Variants in RECQL5 observed in about 807,000 individuals in gnomAD.
The protein encoded by RECQL5 is RecQ like helicase 5, also known as ATP-dependent DNA helicase Q5.
A neutral mutation model predicts 103.4 loss-of-function variants in RECQL5; 88 were observed. The ratio of observed to expected loss-of-function variants is 0.85; its 90% confidence interval spans 0.72 to 1.02. The LOEUF is 1.02. RECQL5 is among the 50% of genes least tolerant of loss of function. RECQL5 has a pLI of 0.00. For missense variants in RECQL5, 1,232 were observed against 1,284.3 expected, an observed-to-expected ratio of 0.96 and a Z score of 0.62; for synonymous variants, 552 against 507.9, an observed-to-expected ratio of 1.09 and a Z score of -1.17.
Position 75,629,152 on chromosome 17 carries a change from G to A in RECQL5, c.2271C>T (p.Ala757=). ...SKKQQLLATA[A]HKDSQSIARF... is the part of the protein sequence containing the mutation. ...GGGCGATGCTCTGAGAATCCTTGTG[G>A]GCCGCTGTGGCTAGGAGCTGCTGTT... The change falls in exon 16 of 20, where the codon GCC becomes GCT. Residue 757 remains alanine (A), a synonymous_variant. Transcript: ENST00000317905. 4 of 1,613,820 alleles carry A rather than the reference G, an allele frequency of 2.5e-6. No individual in the cohort carries two copies. The highest frequency in any genetic ancestry group is 3.4e-6 in the Non-Finnish European group (4 of 1,179,980).
intron 7 of RECQL5, 82 bp from the exon 8 acceptor site, chr17:75,651,347 T>G (rs2059553230): frequency 2.0e-6 from 3 of 1,520,060 alleles, no homozygotes; most frequent in Non-Finnish European, 2.7e-6. Flanking sequence ...GGAGGCCGAG[T>G]GCGGTGGCTC....
At chr17:75,628,163 C>T in intron 18 of RECQL5, 55 bp downstream of exon 18, 1 of 1,478,752 alleles carries the variant, frequency 6.8e-7, no homozygotes, top group South Asian at 1.1e-5. Context: ...CCCACCCCCA[C>T]TACACCCACA....
chr17:75,630,256 G>C lies in RECQL5; in HGVS notation c.1740C>G (p.Ala580=), dbSNP rs748275928. 6.4e-7 allele frequency: 1 copy of C among 1,561,242 alleles called. No individual in the cohort carries two copies. Among genetic ancestry groups the C allele is most frequent in the Non-Finnish European group, 8.7e-7 (1 of 1,151,728 alleles). ...GGAATGTCTCATGTTCCAGCTCCAC[G>C]GCCTTGGCCCGGAGGTCAGCTCTGT... The part of the protein sequence containing the change: ...TADEADLRAK[A]VELEHETFRN... Residue 580 remains alanine, a synonymous_variant, in exon 14 of 20, where the codon GCC becomes GCG. Transcript: ENST00000317905.
chr17:75,660,452 G>A (rs907572877), intron 6 of RECQL5, among the ~76,000 whole-genome samples: 1 of 152,198 alleles, frequency 6.6e-6, no homozygotes, highest in Admixed American at 6.5e-5. Flanking sequence ...CATAAATCTA[G>A]ATGGTACTGC....
chr17:75,653,194 A>G (rs1330951035), intron 7 of RECQL5, among the ~76,000 whole-genome samples: 1 of 152,238 alleles, frequency 6.6e-6, no homozygotes, highest in African/African-American at 2.4e-5. Flanking sequence ...CAGCTGAGCA[A>G]CAACAGCTCC....
chr17:75,640,899 G>C lies in RECQL5; in HGVS notation c.1230-9231C>G, dbSNP rs1170483968. The stretch of plus-strand genomic sequence containing the variant: ...CAGGTGCAGCCGACACCACCATGAC[G>C]GACGGGCGATGGCTGAGGAGAAGCT... On this transcript the variant is annotated intron_variant, in intron 8 of 19. Coordinates refer to ENST00000317905, the MANE Select transcript of RECQL5 (RefSeq NM_004259.7). The surrounding 1 kb of genome is among the most constrained non-coding windows in gnomAD (Gnocchi z 4.6). The C allele has an allele frequency of 1.9e-6, 3 of 1,543,228 alleles. No homozygotes were observed. Among genetic ancestry groups the C allele is most frequent in the Non-Finnish European group, 2.6e-6 (3 of 1,146,688 alleles).
At position 75,627,194 on chromosome 17, in the gene RECQL5, C is replaced by T; in HGVS notation, c.*228G>A. ...CGACATGTGTCCCAGAAAACCCAGC[C>T]ATGAGGACCGCTCTGAGAAGGGTCT... is the stretch of plus-strand genomic sequence containing the variant. On this transcript the variant is annotated 3_prime_UTR_variant, in exon 20 of 20. Coordinates refer to ENST00000317905, the MANE Select transcript of RECQL5 (RefSeq NM_004259.7). 1 of 647,324 alleles carries T rather than the reference C, an allele frequency of 1.5e-6. No individual in the cohort carries two copies. The highest frequency in any genetic ancestry group is 2.9e-6 in the Non-Finnish European group (1 of 350,090). 40.1% of individuals were successfully genotyped at this position (647,324 alleles called of 1,614,324 possible).
intron 6 of RECQL5, among the ~76,000 whole-genome samples, chr17:75,659,021 A>G (rs766648411): frequency 3.9e-5 from 6 of 152,074 alleles, no homozygotes; most frequent in African/African-American, 1.4e-4. Flanking sequence ...TCTTAACAAG[A>G]TACCACAGAC....
chr17:75,657,540 G>C (rs912348260), intron 7 of RECQL5, among the ~76,000 whole-genome samples: 1 of 152,012 alleles, frequency 6.6e-6, no homozygotes, highest in African/African-American at 2.4e-5. Flanking sequence ...CTTGAGCCCA[G>C]GAGTCATGAG....
chr17:75,659,593 A>C (rs1051348236), intron 6 of RECQL5, among the ~76,000 whole-genome samples: 7 of 152,254 alleles, frequency 4.6e-5, no homozygotes, highest in Non-Finnish European at 8.8e-5. Flanking sequence ...GGCTCAAGCA[A>C]TCCTCCCATC....
Position 75,627,327 on chromosome 17 carries a change from G to T in RECQL5, c.*95C>A. ...TATGGTTGGAAAGGAGAAGGACTGAGAAAAGACGATGGCCCTGGCATCAGC... is the reference window on the plus strand; with the variant it reads ...TATGGTTGGAAAGGAGAAGGACTGATAAAAGACGATGGCCCTGGCATCAGC... On this transcript the variant is annotated 3_prime_UTR_variant, in exon 20 of 20. Coordinates refer to ENST00000317905, the MANE Select transcript of RECQL5 (RefSeq NM_004259.7). 1.0e-6 allele frequency: 1 copy of T among 959,840 alleles called. No individual in the cohort carries two copies. Among genetic ancestry groups the T allele is most frequent in the Non-Finnish European group, 1.7e-6 (1 of 602,782 alleles). 59.5% of individuals were successfully genotyped at this position (959,840 alleles called of 1,614,324 possible). A position where few individuals can be genotyped will look rare whatever the true frequency, so the allele number is the denominator to read the frequency against.
chr17:75,656,812 T>C (rs151181322), intron 7 of RECQL5, among the ~76,000 whole-genome samples: 298 of 149,352 alleles, frequency 2.0e-3, no homozygotes, highest in African/African-American at 7.2e-3. Context: ...AGGCGTGATC[T>C]CGGCTCACTG....
rs1260473133 is a variant in RECQL5, at chr17:75,631,673, A to T, written c.1230-5T>A. The stretch of plus-strand genomic sequence containing the variant: ...GCAATGGCGGCATGGCGGCACCTGG[A>T]GCAGGCAGCACCGCAGAGGTGAGGG... On this transcript the variant is annotated splice_polypyrimidine_tract_variant and splice_region_variant and intron_variant, in intron 8 of 19. Transcript: ENST00000317905. 2.5e-6 allele frequency: 4 copies of T among 1,610,074 alleles called. No individual in the cohort carries two copies. In the South Asian group the frequency reaches 4.4e-5, roughly 18 times the overall value.
intron 6 of RECQL5, 145 bp downstream of exon 6, chr17:75,660,810 C>T: frequency 1.5e-6 from 1 of 671,914 alleles, no homozygotes; most frequent in East Asian, 2.7e-5. Flanking sequence ...AGCATTCAGG[C>T]TGTATTCTAA....
chr17:75,663,061 C>G (rs1373125811), intron 3 of RECQL5, 64 bp from the exon 4 acceptor site: 2 of 1,484,026 alleles, frequency 1.3e-6, no homozygotes, highest in Non-Finnish European at 1.8e-6. Context: ...CTGCAAGTCC[C>G]TGGAGGATTT....
In RECQL5 at chr17:75,640,366, G is replaced by C; in HGVS notation, c.1230-8698C>G. 2 of 1,503,216 alleles carry C rather than the reference G, an allele frequency of 1.3e-6. No homozygotes were observed. The highest frequency in any genetic ancestry group is 1.8e-6 in the Non-Finnish European group (2 of 1,120,288). The allele number at this position is 1,503,216 out of a possible 1,614,324, so 93.1% of individuals were successfully genotyped here. On this transcript the variant is annotated intron_variant, in intron 8 of 19. Coordinates refer to ENST00000317905, the MANE Select transcript of RECQL5 (RefSeq NM_004259.7). This position sits in a 1 kb window ranked among gnomAD's most constrained non-coding sequence, Gnocchi z 4.6. Reference sequence around the variant, plus strand: ...ACTCAGCACCCCATGGCTCTCCCTGGCATCTGGGAGAGACCACACCATGGT... The same window carrying C: ...ACTCAGCACCCCATGGCTCTCCCTGCCATCTGGGAGAGACCACACCATGGT...
At chr17:75,664,650 C>A (rs2059743237) in intron 3 of RECQL5, among the ~76,000 whole-genome samples, 1 of 152,066 alleles carries the variant, frequency 6.6e-6, no homozygotes. Context: ...TGGTGGCTCA[C>A]ACCTGTAATC....
intron 8 of RECQL5, among the ~76,000 whole-genome samples, chr17:75,642,749 A>G (rs2059448524): frequency 6.6e-6 from 1 of 152,156 alleles, no homozygotes; most frequent in African/African-American, 2.4e-5. Context: ...TCATCACAGT[A>G]CCTCCATGTT....
At chr17:75,629,919 C>T (rs1048584644) in intron 14 of RECQL5, 77 bp from the exon 15 acceptor site, 50 of 1,511,422 alleles carry the variant, frequency 3.3e-5, no homozygotes, top group Non-Finnish European at 4.4e-5. Flanking sequence ...TCCTTTTCTA[C>T]TAGGCACTAC....
Sources: gnomAD v4.1 joint callset for allele counts (sites outside exome capture counted in the v4.1 genomes callset) on GRCh38, gnomAD v4.1.1 for gene constraint, Gnocchi (gnomAD v3.1) non-coding constraint, MANE v1.5 for transcripts, NCBI Gene and HGNC (gene_info 2026-07-23, HGNC 2026-07-21) for gene names.